Variants in EML6 observed in about 807,000 individuals in gnomAD.
EML6 encodes the protein echinoderm microtubule-associated protein-like 6.
A neutral mutation model predicts 240.1 loss-of-function variants in EML6; 154 were observed. That is an observed-to-expected ratio of 0.64 (90% CI 0.56 to 0.73). The LOEUF is 0.73. Among genes scored for constraint, EML6 ranks in the 30% least tolerant of loss-of-function variants. EML6 has a pLI of 0.00. For missense variants in EML6, 2,964 were observed against 2,474.6 expected (o/e 1.20, Z -4.20); for synonymous variants, 1,148 against 899.0 (o/e 1.28, Z -4.95).
intron 2 of EML6, among the ~76,000 whole-genome samples, chr2:54,768,813 C>T (rs148178864): frequency 6.6e-6 from 1 of 152,142 alleles, no homozygotes; most frequent in East Asian, 1.9e-4. Flanking sequence ...AAATTTTCTA[C>T]TCAAAGTTTT....
intron 13 of EML6, among the ~76,000 whole-genome samples, chr2:54,864,499 A>T (rs970455749): frequency 1.3e-5 from 2 of 152,224 alleles, no homozygotes; most frequent in African/African-American, 4.8e-5. Flanking sequence ...GCAATCCCTC[A>T]GCGGAATCTG....
At chr2:54,832,780 G>C (rs1261692303) in intron 7 of EML6, among the ~76,000 whole-genome samples, 2 of 151,978 alleles carry the variant, frequency 1.3e-5, no homozygotes, top group Non-Finnish European at 2.9e-5. Flanking sequence ...CTCAAAGAAG[G>C]CTTGGCCTTC....
At chr2:54,881,391 A>C (rs1351438050) in intron 17 of EML6, 1 of 152,192 alleles carries the variant, frequency 6.6e-6, no homozygotes, top group African/African-American at 2.4e-5. Flanking sequence ...ATGGTGGCTC[A>C]CGTCTGTAAT....
At chr2:54,947,634 A>G (rs1312631879) in intron 28 of EML6, among the ~76,000 whole-genome samples, 1 of 152,170 alleles carries the variant, frequency 6.6e-6, no homozygotes, top group Non-Finnish European at 1.5e-5. Flanking sequence ...CACGACATCC[A>G]GGAAGATGTC....
At chr2:54,841,303 C>T (rs367958005) in intron 7 of EML6, among the ~76,000 whole-genome samples, 1 of 152,244 alleles carries the variant, frequency 6.6e-6, no homozygotes. Context: ...TGTCTCTACT[C>T]CTCCTGGCGG....
intron 5 of EML6, among the ~76,000 whole-genome samples, chr2:54,822,078 A>T (rs569784523): frequency 6.6e-6 from 1 of 152,296 alleles, no homozygotes; most frequent in South Asian, 2.1e-4. Flanking sequence ...AAATGCAAAG[A>T]TCTCTTGCAA....
intron 25 of EML6, among the ~76,000 whole-genome samples, chr2:54,915,536 C>G (rs955846069): frequency 2.6e-5 from 4 of 152,126 alleles, no homozygotes; most frequent in African/African-American, 9.7e-5. Flanking sequence ...TCACCTTGGT[C>G]TGTGTTCCTA....
intron 5 of EML6, 111 bp from the exon 6 acceptor site, chr2:54,827,455 C>A (rs568430355): frequency 3.5e-6 from 3 of 857,884 alleles, no homozygotes; most frequent in African/African-American, 1.7e-5. Context: ...CTTATTTGTG[C>A]CTAGCTTGGA....
At chr2:54,800,426 T>A (rs1327957572) in intron 2 of EML6, among the ~76,000 whole-genome samples, 1 of 152,028 alleles carries the variant, frequency 6.6e-6, no homozygotes, top group African/African-American at 2.4e-5. Context: ...CATATAAATA[T>A]ATGTATATAT....
intron 28 of EML6, among the ~76,000 whole-genome samples, chr2:54,944,570 AT>A (rs1208850641): frequency 6.6e-6 from 1 of 151,884 alleles, no homozygotes; most frequent in Non-Finnish European, 1.5e-5. Context: ...TTGTACTCTC[AT>A]TTTTTCACCC....
At position 54,826,451 on chromosome 2, in the gene EML6, C is replaced by G. The variant is rs1668597861; in HGVS notation, c.526-1115C>G. On this transcript the variant is annotated intron_variant, in intron 5 of 41. Transcript: ENST00000356458. ...CCATCTCTACTAAAAATACACAAAA[C>G]TAGCTGGGTGCGGAGGCACATGCCT... Among the ~76,000 whole-genome samples the G allele has an allele frequency of 2.6e-5, 4 of 152,044 alleles. No homozygotes were observed. In the South Asian group the frequency reaches 8.3e-4, roughly 32 times the overall value.
intron 11 of EML6, among the ~76,000 whole-genome samples, chr2:54,858,725 A>C (rs1003525563): frequency 1.3e-5 from 2 of 152,140 alleles, no homozygotes; most frequent in African/African-American, 4.8e-5. Context: ...AGTAATTTTC[A>C]CCTTCTTACA....
intron 32 of EML6, among the ~76,000 whole-genome samples, chr2:54,957,097 A>T (rs955510034): frequency 3.9e-5 from 6 of 152,142 alleles, no homozygotes; most frequent in African/African-American, 1.4e-4. Context: ...CACCTTCTGA[A>T]ATAGGAACAA....
rs577936646 is a variant in EML6 at position 54,805,691 on chromosome 2, A to G, written c.198-7541A>G. On this transcript the variant is annotated intron_variant, in intron 2 of 41. Transcript: ENST00000356458. Reference sequence around the variant, plus strand: ...CAGAAGTTTTTATTTTTAAAGTCCAATTTCTCCTTTGTGTAATGGTTCATG... The same window carrying G: ...CAGAAGTTTTTATTTTTAAAGTCCAGTTTCTCCTTTGTGTAATGGTTCATG... Among the ~76,000 whole-genome samples, 15 of 152,052 alleles carry G rather than the reference A, an allele frequency of 9.9e-5. No individual in the cohort carries two copies. The South Asian group carries it at 2.5e-3, about 25-fold the overall frequency.
intron 21 of EML6, among the ~76,000 whole-genome samples, chr2:54,898,357 A>G (rs1318360200): frequency 6.6e-6 from 1 of 152,166 alleles, no homozygotes; most frequent in Non-Finnish European, 1.5e-5. Context: ...TAACTAAAAT[A>G]CACAAAGGGG....
chr2:54,970,570 T>C lies in EML6; in HGVS notation c.*475T>C, dbSNP rs1676946349. ...TAGATGCACCGAAGTACTAGAAATA[T>C]CGCTAGCCTCTGTTCTCCAGTTTAG... is the stretch of plus-strand genomic sequence containing the variant. On this transcript the variant is annotated 3_prime_UTR_variant, in exon 42 of 42. Coordinates refer to ENST00000356458, the MANE Select transcript of EML6 (RefSeq NM_001039753.4). The C allele has an allele frequency of 6.3e-6, 1 of 159,264 alleles. No homozygotes were observed. Among genetic ancestry groups the C allele is most frequent in the African/African-American group, 2.4e-5 (1 of 41,656 alleles). 9.9% of individuals were successfully genotyped at this position (159,264 alleles called of 1,614,324 possible).
chr2:54,858,104 T>TGAGAAG (rs1670484057), intron 11 of EML6, among the ~76,000 whole-genome samples: 1 of 152,200 alleles, frequency 6.6e-6, no homozygotes, highest in South Asian at 2.1e-4. Context: ...GTTGCAGTCA[T>TGAGAAG]GTGAAGGCTA....
At chr2:54,870,665 T>C (rs548962855) in intron 15 of EML6, among the ~76,000 whole-genome samples, 2 of 152,198 alleles carry the variant, frequency 1.3e-5, no homozygotes, top group African/African-American at 4.8e-5. Flanking sequence ...TTTAATAGCC[T>C]CTTTTTTTAA....
chr2:54,791,761 G>A (rs1669469280), intron 2 of EML6, among the ~76,000 whole-genome samples: 1 of 152,092 alleles, frequency 6.6e-6, no homozygotes, highest in African/African-American at 2.4e-5. Flanking sequence ...CCACCCTACC[G>A]TTTGCCCTCC....
Sources: gnomAD v4.1 joint callset for allele counts (sites outside exome capture counted in the v4.1 genomes callset) on GRCh38, gnomAD v4.1.1 for gene constraint, MANE v1.5 for transcripts, NCBI Gene and HGNC (gene_info 2026-07-23, HGNC 2026-07-21) for gene names.